Variants in KRT31 observed in about 807,000 individuals in gnomAD.
KRT31 encodes keratin 31.
KRT31 carries 27 observed loss-of-function variants against 40.8 expected under a neutral mutation model. The ratio of observed to expected loss-of-function variants is 0.66; its 90% CI spans 0.49 to 0.91. KRT31 has a LOEUF of 0.91. Ranked by LOEUF, KRT31 falls within the 40% of genes least tolerant of loss-of-function variation. The pLI is 0.00. For missense variants in KRT31, 510 were observed against 544.1 expected, an observed-to-expected ratio of 0.94 and a Z score of 0.62; for synonymous variants, 231 against 231.9, an observed-to-expected ratio of 1.00 and a Z score of 0.03.
At chr17:41,394,296 C>T in intron 6 of KRT31, 127 bp from the exon 7 acceptor site, 1 of 900,146 alleles carries the variant, frequency 1.1e-6, no homozygotes, top group Non-Finnish European at 1.7e-6. Flanking sequence ...AGAAAAGGCA[C>T]AGACTCCCCT....
rs566086905 is a variant in KRT31, at chr17:41,397,604, G to C, written c.-65C>G. The C allele has an allele frequency of 4.6e-6, 7 of 1,518,568 alleles. No individual in the cohort carries two copies. In the East Asian group the frequency reaches 1.7e-4, roughly 37 times the overall value. 94.1% of individuals were successfully genotyped at this position (1,518,568 alleles called of 1,614,324 possible). ...GAGTCTAAATTCTCCAAGCCACAGA[G>C]CTGTGGGTCTCCTTCCTCTAGGGAG... is the stretch of plus-strand genomic sequence containing the variant. On this transcript the variant is annotated 5_prime_UTR_variant, in exon 1 of 7. Transcript: ENST00000251645.
chr17:41,395,215 C>G, intron 5 of KRT31, 30 bp downstream of exon 5: 3 of 1,612,396 alleles, frequency 1.9e-6, no homozygotes, highest in Non-Finnish European at 2.5e-6. Flanking sequence ...AAGTTCCCGT[C>G]GCTCACCAGC....
chr17:41,397,136 CACAG>C (rs1231240372), intron 1 of KRT31, 52 bp downstream of exon 1: 44 of 1,598,792 alleles, frequency 2.8e-5, no homozygotes, highest in Middle Eastern at 1.7e-4. Context: ...ACTTCTCTAT[CACAG>C]ACAGAATCAC....
At chr17:41,394,757 T>TGAG in intron 6 of KRT31, 91 bp downstream of exon 6, 5 of 1,573,144 alleles carry the variant, frequency 3.2e-6, no homozygotes, top group Non-Finnish European at 4.3e-6. Context: ...AGGCATAATT[T>TGAG]CCTTTCCAAG....
rs116049977 is a variant in KRT31 at position 41,396,853 on chromosome 17, C to T, written c.431+60G>A. The T allele has an allele frequency of 3.1e-4, 435 of 1,381,954 alleles. No homozygotes were observed. In the African/African-American group the frequency reaches 5.4e-3, roughly 17 times the overall value. The allele number at this position is 1,381,954 out of a possible 1,614,324, so 85.6% of individuals were successfully genotyped here. A position where few individuals can be genotyped will look rare whatever the true frequency, so the allele number is the denominator to read the frequency against. On this transcript the variant is annotated intron_variant, in intron 2 of 6. Transcript: ENST00000251645. ...GTAGATCTGTTTTCAGATGGAAATC[C>T]CTTTTCTTTAAAGATTAAACAGAAG...
chr17:41,397,605 C>A lies in KRT31; in HGVS notation c.-66G>T, dbSNP rs973645696. 28 of 1,516,274 alleles carry A rather than the reference C, an allele frequency of 1.8e-5. No homozygotes were observed. The highest frequency in any genetic ancestry group is 2.3e-5 in the Non-Finnish European group (26 of 1,127,704). 93.9% of individuals were successfully genotyped at this position (1,516,274 alleles called of 1,614,324 possible). A position where few individuals can be genotyped will look rare whatever the true frequency, so the allele number is the denominator to read the frequency against. ...AGTCTAAATTCTCCAAGCCACAGAG[C>A]TGTGGGTCTCCTTCCTCTAGGGAGC... On this transcript the variant is annotated 5_prime_UTR_variant, in exon 1 of 7. Transcript: ENST00000251645.
intron 3 of KRT31, among the ~76,000 whole-genome samples, chr17:41,396,100 T>C (rs1038276883): frequency 6.7e-6 from 1 of 149,092 alleles, no homozygotes; most frequent in African/African-American, 2.5e-5. Context: ...TTTCTTGGCC[T>C]TTGCCAAAAA....
chr17:41,396,820 A>G, intron 2 of KRT31, 93 bp downstream of exon 2: 6 of 1,214,300 alleles, frequency 4.9e-6, no homozygotes, highest in Non-Finnish European at 7.2e-6. Flanking sequence ...ATCCTTCACA[A>G]CAAGTGGGTA....
chr17:41,394,208 G>A (rs1321789677), intron 6 of KRT31, 39 bp from the exon 7 acceptor site: 1 of 1,605,812 alleles, frequency 6.2e-7, no homozygotes, highest in Non-Finnish European at 8.5e-7. Context: ...TGAGTTAAGG[G>A]CAATTTTAAA....
rs766216131 is a variant in KRT31, at chr17:41,394,008, C to T, written c.*8G>A. 2.5e-6 allele frequency: 4 copies of T among 1,612,340 alleles called. No individual in the cohort carries two copies. The African/African-American group carries it at 4.0e-5, about 16-fold the overall frequency. ...CTGCATCCTTGCTCCTCTGGCATTC[C>T]CTAGGTTCTAGCGCACGAAGGAATT... On this transcript the variant is annotated 3_prime_UTR_variant, in exon 7 of 7. Coordinates refer to ENST00000251645, the MANE Select transcript of KRT31 (RefSeq NM_002277.3).
At chr17:41,396,841 CA>C (rs2018235182) in intron 2 of KRT31, 71 bp downstream of exon 2, 5 of 1,350,436 alleles carry the variant, frequency 3.7e-6, no homozygotes, top group East Asian at 4.7e-5. Flanking sequence ...GATCTGTTTT[CA>C]GATGGAAATC....
In KRT31 at chr17:41,396,509, C is replaced by G. The variant is rs1345477813; in HGVS notation, c.499G>C (p.Asp167His). 6.2e-7 allele frequency: 1 copy of G among 1,614,212 alleles called. No individual in the cohort carries two copies. Among genetic ancestry groups the G allele is most frequent in the Non-Finnish European group, 8.5e-7 (1 of 1,180,036 alleles). The change falls in exon 3 of 7, where the codon GAT (aspartate) becomes CAT (histidine). Residue 167 changes from aspartate to histidine, a missense_variant. Physicochemically the swap from Asp to His is moderately conservative, Grantham distance 81. Transcript: ENST00000251645. ...TCGGACTTGCACAGGGTCAGCTCATCCAGGATCCTGCGCAGACCGTTGATG... is the reference window on the plus strand; with the variant it reads ...TCGGACTTGCACAGGGTCAGCTCATGCAGGATCCTGCGCAGACCGTTGATG... Reference protein sequence around the residue: ...SDINGLRRILDELTLCKSDLE... With the variant: ...SDINGLRRILHELTLCKSDLE...
At chr17:41,396,351 C>G (rs924276399) in intron 3 of KRT31, 69 bp downstream of exon 3, 1 of 1,508,828 alleles carries the variant, frequency 6.6e-7, no homozygotes, top group African/African-American at 1.4e-5. Flanking sequence ...TTCTGCTGCC[C>G]CAAATCACTA....
chr17:41,394,102 G>T lies in KRT31; in HGVS notation c.1165C>A (p.Pro389Thr). 1 of 1,613,340 alleles carries T rather than the reference G, an allele frequency of 6.2e-7. No homozygotes were observed. Among genetic ancestry groups the T allele is most frequent in the Non-Finnish European group, 8.5e-7 (1 of 1,179,618 alleles). ...GCAGGAGGGACACAAGAGGTACAGG[G>T]ATTGGAGAGACAGGGTCCGATGGGC... ...SKPIGPCLSN[P>T]CTSCVPPAPC... The change falls in exon 7 of 7, where the codon CCC becomes ACC. Residue 389 changes from proline to threonine, a missense_variant. Coordinates refer to ENST00000251645, the MANE Select transcript of KRT31 (RefSeq NM_002277.3).
chr17:41,394,142 G>C lies in KRT31; in HGVS notation c.1125C>G (p.Thr375=). Residue 375 remains threonine (T), a synonymous_variant, in exon 7 of 7, where the codon ACC becomes ACG. Coordinates refer to ENST00000251645, the MANE Select transcript of KRT31 (RefSeq NM_002277.3). Reference sequence around the variant, plus strand: ...GTCCGATGGGCTTGCTGCACGCGTTGGTCGTGGCACAGGGATTGCTGGGCA... The same window carrying C: ...GTCCGATGGGCTTGCTGCACGCGTTCGTCGTGGCACAGGGATTGCTGGGCA... ...CNLPSNPCAT[T]NACSKPIGPC... 6.2e-7 allele frequency: 1 copy of C among 1,612,062 alleles called. No individual in the cohort carries two copies. The highest frequency in any genetic ancestry group is 8.5e-7 in the Non-Finnish European group (1 of 1,179,246).
At chr17:41,396,104 C>T (rs377030600) in intron 3 of KRT31, among the ~76,000 whole-genome samples, 24 of 136,270 alleles carry the variant, frequency 1.8e-4, no homozygotes, top group Non-Finnish European at 2.8e-4. Context: ...TTGGCCTTTG[C>T]CAAAAAAAAA....
chr17:41,396,263 A>T (rs771774422), intron 3 of KRT31, among the ~76,000 whole-genome samples, 157 bp downstream of exon 3: 1 of 152,268 alleles, frequency 6.6e-6, no homozygotes, highest in Non-Finnish European at 1.5e-5. Context: ...GAACATGAAC[A>T]GGTCTTATCT....
Position 41,396,901 on chromosome 17 carries a change from C to G in KRT31, c.431+12G>C. 6.2e-7 allele frequency: 1 copy of G among 1,607,112 alleles called. No individual in the cohort carries two copies. The highest frequency in any genetic ancestry group is 8.5e-7 in the Non-Finnish European group (1 of 1,173,764). On this transcript the variant is annotated intron_variant, in intron 2 of 6. Transcript: ENST00000251645. ...AAGCAATTGACACTAGTGCAAATTC[C>G]GAACAACTCACTTGGTTCTGAAATC...
Position 41,397,296 on chromosome 17 carries a change from C to T in KRT31, c.244G>A (p.Ala82Thr), listed in dbSNP as rs766304221. 21 of 1,614,088 alleles carry T rather than the reference C, an allele frequency of 1.3e-5. No individual in the cohort carries two copies. The South Asian group carries it at 1.9e-4, about 14-fold the overall frequency. The change falls in exon 1 of 7, where the codon GCG (alanine) becomes ACG (threonine). Residue 82 changes from alanine (A) to threonine (T), a missense_variant. Ala to Thr is a moderately conservative substitution (Grantham distance 58). Coordinates refer to ENST00000251645, the MANE Select transcript of KRT31 (RefSeq NM_002277.3). ...TCCCGGATGAGGTTCTCCAGCTCCGCGTTGTCCCGCTCCAGCTGACGCACT... is the reference window on the plus strand; with the variant it reads ...TCCCGGATGAGGTTCTCCAGCTCCGTGTTGTCCCGCTCCAGCTGACGCACT... ...EKVRQLERDN[A>T]ELENLIRERS...
Sources: gnomAD v4.1 joint callset for allele counts (sites outside exome capture counted in the v4.1 genomes callset) on GRCh38, gnomAD v4.1.1 for gene constraint, MANE v1.5 for transcripts, NCBI Gene and HGNC (gene_info 2026-07-23, HGNC 2026-07-21) for gene names.